DLGAP2: variants seen among roughly 807,000 people sequenced by gnomAD.
DLGAP2 encodes DLG associated protein 2.
Under a neutral mutation model 100.3 loss-of-function variants are expected in DLGAP2, and 26 were observed. The ratio of observed to expected loss-of-function variants is 0.26; its 90% CI spans 0.19 to 0.36. DLGAP2 has a LOEUF of 0.36. Among genes scored for constraint, DLGAP2 ranks in the 10% least tolerant of loss-of-function variants. The probability of loss-of-function intolerance (pLI) is 1.00; values close to 1 mark genes in which losing one functional copy is unlikely to be tolerated. For missense variants in DLGAP2, 1,858 were observed against 1,453.2 expected (o/e 1.28, Z -4.53); for synonymous variants, 886 against 630.1 (o/e 1.41, Z -6.08).
At chr8:1,175,858 T>C (rs1356990431) in intron 2 of DLGAP2, among the ~76,000 whole-genome samples, 2 of 152,194 alleles carry the variant, frequency 1.3e-5, no homozygotes, top group East Asian at 3.9e-4. Flanking sequence ...AAACCTAGAT[T>C]AAAACCCTGT....
At chr8:985,872 G>A (rs761331547) in intron 2 of DLGAP2, among the ~76,000 whole-genome samples, 1 of 152,130 alleles carries the variant, frequency 6.6e-6, no homozygotes, top group Non-Finnish European at 1.5e-5. Flanking sequence ...TCGATCACCT[G>A]ACAAACCCCC....
chr8:911,717 G>A (rs574033744), intron 2 of DLGAP2, among the ~76,000 whole-genome samples: 1 of 151,948 alleles, frequency 6.6e-6, no homozygotes, highest in South Asian at 2.1e-4. Flanking sequence ...TTGGAAGGAT[G>A]TGGGTATAAT....
chr8:840,011 A>G (rs1214986883), intron 1 of DLGAP2, among the ~76,000 whole-genome samples: 1 of 145,710 alleles, frequency 6.9e-6, no homozygotes, highest in Non-Finnish European at 1.5e-5. Context: ...ACGTCTCCCC[A>G]CACTCTGGAT....
At chr8:1,560,593 G>T (rs1228227184) in intron 5 of DLGAP2, among the ~76,000 whole-genome samples, 1 of 152,174 alleles carries the variant, frequency 6.6e-6, no homozygotes, top group Non-Finnish European at 1.5e-5. Flanking sequence ...GACATGACCA[G>T]TCCGAAGGCC....
At chr8:1,531,992 G>A (rs573233070) in intron 4 of DLGAP2, among the ~76,000 whole-genome samples, 31 of 152,196 alleles carry the variant, frequency 2.0e-4, no homozygotes, top group Non-Finnish European at 4.0e-4. Context: ...ATTAATATAC[G>A]TAAGAAGTAC....
intron 3 of DLGAP2, among the ~76,000 whole-genome samples, chr8:1,325,691 G>A (rs1050718801): frequency 1.3e-5 from 2 of 152,196 alleles, no homozygotes; most frequent in South Asian, 2.1e-4. Context: ...TTCCTCTCGC[G>A]TGTGCTGCTA....
At chr8:1,525,543 A>G (rs1800765508) in intron 4 of DLGAP2, among the ~76,000 whole-genome samples, 1 of 152,244 alleles carries the variant, frequency 6.6e-6, no homozygotes, top group African/African-American at 2.4e-5. Flanking sequence ...GGAAGAACTC[A>G]GGACTTACAC....
At chr8:1,497,446 A>G (rs1799581518) in intron 3 of DLGAP2, among the ~76,000 whole-genome samples, 1 of 152,194 alleles carries the variant, frequency 6.6e-6, no homozygotes, top group Non-Finnish European at 1.5e-5. Context: ...ACAGCAGCCA[A>G]CGTTGGCTTC....
chr8:1,055,303 A>C (rs17667995), intron 2 of DLGAP2, among the ~76,000 whole-genome samples: 1 of 152,200 alleles, frequency 6.6e-6, no homozygotes, highest in African/African-American at 2.4e-5. Flanking sequence ...TGTAGCTTCA[A>C]CTTATCAAAC....
chr8:1,160,902 C>G (rs1478668413), intron 2 of DLGAP2, among the ~76,000 whole-genome samples: 1 of 152,218 alleles, frequency 6.6e-6, no homozygotes, highest in Non-Finnish European at 1.5e-5. Context: ...TAACTAAAGA[C>G]TGGCCGTCAT....
At chr8:1,420,402 C>G (rs1313165670) in intron 3 of DLGAP2, among the ~76,000 whole-genome samples, 2 of 152,188 alleles carry the variant, frequency 1.3e-5, no homozygotes, top group African/African-American at 2.4e-5. Flanking sequence ...GGCCACCTCA[C>G]TTCTGCGATT....
chr8:1,385,906 A>G (rs919556162), intron 3 of DLGAP2, among the ~76,000 whole-genome samples: 3 of 152,270 alleles, frequency 2.0e-5, no homozygotes, highest in Non-Finnish European at 4.4e-5. Context: ...CTTGGTGGAC[A>G]GTTACCCTTC....
chr8:1,000,419 C>T (rs1278961782), intron 2 of DLGAP2, among the ~76,000 whole-genome samples: 1 of 145,444 alleles, frequency 6.9e-6, no homozygotes, highest in Non-Finnish European at 1.5e-5. Context: ...ACCGGATTTT[C>T]TCTAGAGCAG....
In DLGAP2 at chr8:1,701,340, G is replaced by A. The variant is rs1240636610; in HGVS notation, c.3102G>A (p.Gln1034=). Residue 1034 remains glutamine, a synonymous_variant, in exon 15 of 15, where the codon CAG becomes CAA. Coordinates refer to ENST00000637795, the MANE Select transcript of DLGAP2 (RefSeq NM_001346810.2). The part of the protein sequence containing the change: ...MAAKRAASFR[Q]NSASERADSI... ...CCAAGCGAGCGGCGTCCTTCCGGCA[G>A]AATTCCGCCTCCGAGCGCGCGGACA... 6.3e-7 allele frequency: 1 copy of A among 1,594,436 alleles called. No homozygotes were observed. The highest frequency in any genetic ancestry group is 1.1e-5 in the South Asian group (1 of 87,898).
chr8:1,540,905 C>G (rs1039433221), intron 4 of DLGAP2, among the ~76,000 whole-genome samples: 1 of 152,200 alleles, frequency 6.6e-6, no homozygotes, highest in Non-Finnish European at 1.5e-5. Context: ...ATTTTTCTTA[C>G]AAAACATTTA....
chr8:1,079,006 T>C (rs1374260652), intron 2 of DLGAP2, among the ~76,000 whole-genome samples: 1 of 152,216 alleles, frequency 6.6e-6, no homozygotes, highest in African/African-American at 2.4e-5. Flanking sequence ...GCTGCACCAT[T>C]TTGTACTCCC....
chr8:1,525,579 T>C (rs536180978), intron 4 of DLGAP2, among the ~76,000 whole-genome samples: 1 of 152,306 alleles, frequency 6.6e-6, no homozygotes, highest in African/African-American at 2.4e-5. Context: ...CTTCTAAAGA[T>C]TTAGTGAATT....
Position 1,072,514 on chromosome 8 carries a change from T to G in DLGAP2, c.73+164548T>G, listed in dbSNP as rs537817493. On this transcript the variant is annotated intron_variant, in intron 2 of 14. Transcript: ENST00000637795. ...TGGAGAACTCGACGCGTGTTTGATT[T>G]CACCGCAGCGTTTCTCCCCGCGGTA... Among the ~76,000 whole-genome samples the G allele has an allele frequency of 5.3e-5, 8 of 152,302 alleles. No individual in the cohort carries two copies. The South Asian group carries it at 1.5e-3, about 28-fold the overall frequency.
chr8:1,615,556 G>A (rs1445898039), intron 6 of DLGAP2, among the ~76,000 whole-genome samples: 10 of 150,340 alleles, frequency 6.7e-5, no homozygotes, highest in East Asian at 2.0e-4. Flanking sequence ...AGAACTCACC[G>A]GAAAGATCTT....
Sources: allele counts gnomAD v4.1 joint callset (sites outside exome capture counted in the v4.1 genomes callset), GRCh38; gene constraint gnomAD v4.1.1; transcripts MANE v1.5; gene names NCBI Gene and HGNC (gene_info 2026-07-23, HGNC 2026-07-21).